The following CDKL5 variants were observed in gnomAD, a reference collection of about 807,000 sequenced individuals.
CDKL5 encodes the protein cyclin-dependent kinase-like 5.
A neutral mutation model predicts 61.7 loss-of-function variants in CDKL5; 8 were observed. The ratio of observed to expected loss-of-function variants is 0.13; its 90% CI spans 0.08 to 0.23. The LOEUF (loss-of-function observed/expected upper bound fraction) is 0.23. Ranked by LOEUF, CDKL5 falls within the 10% of genes least tolerant of loss-of-function variation. The probability of loss-of-function intolerance (pLI) is 1.00; values close to 1 mark genes in which losing one functional copy is unlikely to be tolerated. For missense variants in CDKL5, 440 were observed against 734.5 expected (o/e 0.60, Z 4.63); for synonymous variants, 275 against 272.3 (o/e 1.01, Z -0.10).
At chrX:18,503,877 G>A (rs1922474577) in intron 1 of CDKL5, among the ~76,000 whole-genome samples, 1 of 108,827 alleles carries the variant, frequency 9.2e-6, no homozygotes, top group Non-Finnish European at 1.9e-5. Flanking sequence ...AGAGTAGCTG[G>A]GACTACAGGC....
rs1349029864 is a variant in CDKL5, at chrX:18,619,886, A to T, written c.2296A>T (p.Ser766Cys). Residue 766 changes from serine to cysteine, a missense_variant, in exon 16 of 18, where the codon AGT (serine) becomes TGT (cysteine). Coordinates refer to ENST00000623535, the MANE Select transcript of CDKL5 (RefSeq NM_001323289.2). ...FDPWKSPENI[S>C]HSEQLKEKEK... Reference sequence around the variant, plus strand: ...ATTTAGGAAAAGTCCTGAAAATATTAGTCATTCAGAGCAACTCAAGGAAAA... The same window carrying T: ...ATTTAGGAAAAGTCCTGAAAATATTTGTCATTCAGAGCAACTCAAGGAAAA... The T allele has an allele frequency of 1.0e-5, 12 of 1,183,355 alleles. No homozygotes were observed. Among genetic ancestry groups the T allele is most frequent in the Non-Finnish European group, 1.3e-5 (11 of 870,771 alleles).
At chrX:18,483,473 A>G (rs1323709374) in intron 1 of CDKL5, among the ~76,000 whole-genome samples, 1 of 110,233 alleles carries the variant, frequency 9.1e-6, no homozygotes, top group Non-Finnish European at 1.9e-5. Flanking sequence ...GCTGGAGTGC[A>G]GTGGCACAAT....
At chrX:18,529,224 T>C (rs1602243082) in intron 3 of CDKL5, among the ~76,000 whole-genome samples, 1 of 107,143 alleles carries the variant, frequency 9.3e-6, no homozygotes, top group African/African-American at 3.4e-5. Context: ...GTTTGCAGTG[T>C]ACATTTACAA....
intron 1 of CDKL5, among the ~76,000 whole-genome samples, chrX:18,470,355 GAAAA>G (rs1262986005): frequency 1.4e-4 from 1 of 7,312 alleles, no homozygotes; most frequent in Non-Finnish European, 2.8e-4. Flanking sequence ...AAGAAGAAAA[GAAAA>G]AAAAAAAAAA....
At chrX:18,456,729 C>T (rs1159764206) in intron 1 of CDKL5, among the ~76,000 whole-genome samples, 2 of 111,674 alleles carry the variant, frequency 1.8e-5, no homozygotes, top group Non-Finnish European at 3.8e-5. Context: ...GTCTGGATCT[C>T]CTTCAAATTC....
intron 1 of CDKL5, among the ~76,000 whole-genome samples, chrX:18,473,712 CT>C (rs749380907): frequency 0.018 from 1,761 of 97,419 alleles, 35 homozygotes; most frequent in African/African-American, 0.053. Flanking sequence ...ACTTCTCTCT[CT>C]TTTTTTTTTT....
At chrX:18,426,021 C>G (rs1269702796) in intron 1 of CDKL5, among the ~76,000 whole-genome samples, 17 of 110,663 alleles carry the variant, frequency 1.5e-4, no homozygotes, top group African/African-American at 3.9e-4. Context: ...AGCGGCGGGT[C>G]TGCGGCGTCC....
rs917073987 is a variant in CDKL5 at position 18,629,732 on chromosome X, T to C, written c.*975T>C. 5.3e-6 allele frequency: 4 copies of C among 753,682 alleles called. No homozygotes were observed. Among genetic ancestry groups the C allele is most frequent in the Non-Finnish European group, 6.3e-6 (4 of 638,914 alleles). 62.1% of individuals were successfully genotyped at this position (753,682 alleles called of 1,213,427 possible). A position where few individuals can be genotyped will look rare whatever the true frequency, so the allele number is the denominator to read the frequency against. On this transcript the variant is annotated 3_prime_UTR_variant, in exon 18 of 18. Transcript: ENST00000623535. The stretch of plus-strand genomic sequence containing the variant: ...AGGGGAAGAAAGTCAGATAGGCCAG[T>C]GAGAATTCCAGCAGGCCTGGTTTCC...
chrX:18,433,928 A>G (rs190532081), intron 1 of CDKL5, among the ~76,000 whole-genome samples: 1 of 112,474 alleles, frequency 8.9e-6, no homozygotes, highest in Admixed American at 9.5e-5. Flanking sequence ...ATCCATGCCT[A>G]ATGCGCGTGT....
intron 1 of CDKL5, among the ~76,000 whole-genome samples, chrX:18,449,164 G>A (rs1191765200): frequency 3.6e-5 from 4 of 112,423 alleles, no homozygotes; most frequent in African/African-American, 1.3e-4. Context: ...CTGAGAGCCT[G>A]TTTTCTTTGG....
At chrX:18,542,912 C>T (rs902493625) in intron 3 of CDKL5, among the ~76,000 whole-genome samples, 6 of 110,864 alleles carry the variant, frequency 5.4e-5, no homozygotes, top group Admixed American at 3.8e-4. Context: ...CCAGTGAAAT[C>T]GGATCTCAGA....
At chrX:18,527,029 C>A (rs1257432696) in intron 3 of CDKL5, among the ~76,000 whole-genome samples, 1 of 111,349 alleles carries the variant, frequency 9.0e-6, no homozygotes, top group African/African-American at 3.3e-5. Flanking sequence ...GTGATCCGCC[C>A]GCCTCAGCCT....
chrX:18,621,663 T>TACAAATAC (rs759433492), intron 16 of CDKL5, among the ~76,000 whole-genome samples: 1 of 111,538 alleles, frequency 9.0e-6, no homozygotes, highest in Non-Finnish European at 1.9e-5. Flanking sequence ...TGTATGTTAC[T>TACAAATAC]ACAAATACTT....
At chrX:18,539,752 T>A (rs1923958132) in intron 3 of CDKL5, among the ~76,000 whole-genome samples, 1 of 111,867 alleles carries the variant, frequency 8.9e-6, no homozygotes, top group South Asian at 3.7e-4. Context: ...TTTTTTTGTC[T>A]TCAGGAAGTT....
intron 1 of CDKL5, among the ~76,000 whole-genome samples, chrX:18,452,586 C>T (rs780654159): frequency 2.8e-5 from 3 of 108,782 alleles, no homozygotes; most frequent in East Asian, 2.9e-4. Flanking sequence ...CTACCACGCC[C>T]GGCTAATTTT....
At position 18,482,552 on chromosome X, in the gene CDKL5, AAACTTCTT is replaced by A. The variant is rs1462422160; in HGVS notation, c.-162-24381_-162-24374del. Among the ~76,000 whole-genome samples, 949 of 111,551 alleles carry A rather than the reference AAACTTCTT, an allele frequency of 8.5e-3. 10 individuals are homozygous for A. The highest frequency in any genetic ancestry group is 0.029 in the African/African-American group (885 of 30,764). On this transcript the variant is annotated intron_variant, in intron 1 of 17. Coordinates refer to ENST00000623535, the MANE Select transcript of CDKL5 (RefSeq NM_001323289.2). ...TATTGTTTCTGTGATGTCTTTCATG[AAACTTCTT>A]AGGGCTAAAGGTAATTGAAGCACAT... is the stretch of plus-strand genomic sequence containing the variant.
rs551130697 is a variant in CDKL5 at position 18,556,310 on chromosome X, G to A, written c.100-8167G>A. Among the ~76,000 whole-genome samples, 388 of 111,344 alleles carry A rather than the reference G, an allele frequency of 3.5e-3. 2 individuals are homozygous for A. In the Middle Eastern group the frequency reaches 0.047, roughly 13 times the overall value. ...TCATTGGTGCTAACATTTCTCTTCA[G>A]TGATGTGTGTGTGTGTGTGTGTTTC... is the stretch of plus-strand genomic sequence containing the variant. On this transcript the variant is annotated intron_variant, in intron 3 of 17. Coordinates refer to ENST00000623535, the MANE Select transcript of CDKL5 (RefSeq NM_001323289.2).
chrX:18,425,620 C>T lies in CDKL5; in HGVS notation c.-238C>T, dbSNP rs1024467282. Reference sequence around the variant, plus strand: ...GGAGGTTTCGATTAGTTGTCTCTGCCGCTGGGGAAGGTAAAGCGGCGACGG... The same window carrying T: ...GGAGGTTTCGATTAGTTGTCTCTGCTGCTGGGGAAGGTAAAGCGGCGACGG... On this transcript the variant is annotated 5_prime_UTR_variant, in exon 1 of 18. Coordinates refer to ENST00000623535, the MANE Select transcript of CDKL5 (RefSeq NM_001323289.2). 1 of 112,561 alleles carries T rather than the reference C, an allele frequency of 8.9e-6. No homozygotes were observed. Among genetic ancestry groups the T allele is most frequent in the Non-Finnish European group, 1.9e-5 (1 of 53,226 alleles). 9.3% of individuals were successfully genotyped at this position (112,561 alleles called of 1,213,427 possible).
At chrX:18,467,850 A>G (rs1371800447) in intron 1 of CDKL5, among the ~76,000 whole-genome samples, 3 of 111,978 alleles carry the variant, frequency 2.7e-5, no homozygotes, top group African/African-American at 9.7e-5. Context: ...AGTGTTGTGG[A>G]AGGAGAATTA....
Sources: allele counts gnomAD v4.1 joint callset (sites outside exome capture counted in the v4.1 genomes callset), GRCh38; gene constraint gnomAD v4.1.1; transcripts MANE v1.5; gene names NCBI Gene and HGNC (gene_info 2026-07-23, HGNC 2026-07-21).